LDHC: variants seen among roughly 807,000 people sequenced by gnomAD.
LDHC encodes the protein L-lactate dehydrogenase C chain.
LDHC carries 20 observed loss-of-function variants against 30.2 expected under a neutral mutation model. That is an observed-to-expected ratio of 0.66 (90% CI 0.47 to 0.96). The LOEUF (loss-of-function observed/expected upper bound fraction) is 0.96. Among genes scored for constraint, LDHC ranks in the 40% least tolerant of loss-of-function variants. LDHC has a pLI of 0.00. For missense variants in LDHC, 362 were observed against 394.9 expected (o/e 0.92, Z 0.71); for synonymous variants, 139 against 132.7 (o/e 1.05, Z -0.32).
At chr11:18,446,922 T>G (rs1295741044) in intron 7 of LDHC, among the ~76,000 whole-genome samples, 2 of 152,164 alleles carry the variant, frequency 1.3e-5, no homozygotes, top group Non-Finnish European at 2.9e-5. Flanking sequence ...TTTGTTTGTT[T>G]GTTTGTTACA....
At chr11:18,424,514 T>C (rs532031197) in intron 3 of LDHC, among the ~76,000 whole-genome samples, 1 of 152,148 alleles carries the variant, frequency 6.6e-6, no homozygotes, top group Non-Finnish European at 1.5e-5. Flanking sequence ...CTAGGATACA[T>C]GTACAAGAAC....
intron 6 of LDHC, among the ~76,000 whole-genome samples, chr11:18,439,811 T>TAAAAAAAAAAAA (rs71047596): frequency 3.3e-4 from 21 of 64,200 alleles, no homozygotes; most frequent in East Asian, 1.9e-3. Flanking sequence ...CCGTCTCTAC[T>TAAAAAAAAAAAA]AAAAAAAAAA....
intron 3 of LDHC, among the ~76,000 whole-genome samples, chr11:18,428,517 A>G (rs1438124432): frequency 6.6e-6 from 1 of 152,090 alleles, no homozygotes; most frequent in Non-Finnish European, 1.5e-5. Context: ...TATAGAGGAT[A>G]TTTTAACTAA....
chr11:18,440,502 A>G (rs1848445976), intron 6 of LDHC, among the ~76,000 whole-genome samples: 1 of 152,226 alleles, frequency 6.6e-6, no homozygotes, highest in South Asian at 2.1e-4. Context: ...GGCAATGTGT[A>G]TGAGTACAGA....
At chr11:18,428,283 T>A (rs1391841875) in intron 3 of LDHC, among the ~76,000 whole-genome samples, 1 of 146,936 alleles carries the variant, frequency 6.8e-6, no homozygotes, top group Non-Finnish European at 1.5e-5. Context: ...GCCATTCTCC[T>A]GCCTCAGCCT....
At chr11:18,434,678 G>A (rs1350509984) in intron 4 of LDHC, 62 bp from the exon 5 acceptor site, 5 of 981,798 alleles carry the variant, frequency 5.1e-6, no homozygotes, top group African/African-American at 4.9e-5. Flanking sequence ...ATGTATTCAG[G>A]AAAAAAAAAA....
chr11:18,428,150 T>G (rs1848194601), intron 3 of LDHC, among the ~76,000 whole-genome samples: 1 of 150,918 alleles, frequency 6.6e-6, no homozygotes, highest in South Asian at 2.1e-4. Context: ...TCATTTTCTT[T>G]TCTTTCTTTC....
intron 6 of LDHC, among the ~76,000 whole-genome samples, chr11:18,443,449 T>C (rs558122298): frequency 7.4e-6 from 1 of 135,128 alleles, no homozygotes; most frequent in South Asian, 2.3e-4. Context: ...AGTTCTTTCT[T>C]TTCTTTCTTT....
intron 4 of LDHC, among the ~76,000 whole-genome samples, chr11:18,430,891 T>C (rs912836658): frequency 8.5e-5 from 13 of 152,160 alleles, no homozygotes; most frequent in Admixed American, 2.6e-4. Flanking sequence ...AGGTTGGGCA[T>C]TGTGGCTCAT....
intron 7 of LDHC, among the ~76,000 whole-genome samples, chr11:18,447,855 G>C (rs955103251): frequency 1.3e-5 from 2 of 152,112 alleles, no homozygotes; most frequent in East Asian, 3.9e-4. Context: ...TTTGAGACCA[G>C]CTGGTCAACA....
intron 7 of LDHC, among the ~76,000 whole-genome samples, chr11:18,446,840 G>C (rs1435308079): frequency 6.6e-6 from 1 of 152,162 alleles, no homozygotes; most frequent in Non-Finnish European, 1.5e-5. Flanking sequence ...CGTAGACTGA[G>C]GAAATTAAGA....
At chr11:18,419,746 A>C (rs1250964755) in intron 3 of LDHC, among the ~76,000 whole-genome samples, 1 of 152,214 alleles carries the variant, frequency 6.6e-6, no homozygotes, top group East Asian at 1.9e-4. Context: ...AGCATGAGAC[A>C]GGAGGCTATA....
intron 3 of LDHC, among the ~76,000 whole-genome samples, chr11:18,424,717 A>G (rs982263189): frequency 2.6e-5 from 4 of 152,184 alleles, no homozygotes; most frequent in African/African-American, 9.7e-5. Flanking sequence ...GATAAAATGT[A>G]CTATGTAATG....
In LDHC at chr11:18,451,185, T is replaced by TA. The variant is rs1848650850; in HGVS notation, c.*58_*59insA. The stretch of plus-strand genomic sequence containing the variant: ...AACAGAAGATAGCAGGCTGTGTATT[T>TA]TAAATTTTGAAAGTATTTTCATTTG... On this transcript the variant is annotated 3_prime_UTR_variant, in exon 8 of 8. Coordinates refer to ENST00000541669, the MANE Select transcript of LDHC (RefSeq NM_017448.5). 1.7e-6 allele frequency: 2 copies of TA among 1,150,180 alleles called. No individual in the cohort carries two copies. The highest frequency in any genetic ancestry group is 3.2e-5 in the African/African-American group (2 of 61,566). The allele number at this position is 1,150,180 out of a possible 1,614,324, so 71.2% of individuals were successfully genotyped here.
chr11:18,432,384 A>G (rs1414716825), intron 4 of LDHC, among the ~76,000 whole-genome samples: 1 of 152,172 alleles, frequency 6.6e-6, no homozygotes, highest in Non-Finnish European at 1.5e-5. Context: ...GGCCTATCAT[A>G]TGGTCTGTCT....
At chr11:18,448,048 C>CAAA (rs1218910663) in intron 7 of LDHC, among the ~76,000 whole-genome samples, 11 of 76,452 alleles carry the variant, frequency 1.4e-4, no homozygotes, top group Non-Finnish European at 2.1e-4. Flanking sequence ...GACTCTGTCT[C>CAAA]AAAAAAAAAA....
chr11:18,439,234 T>A (rs1848412639), intron 6 of LDHC, among the ~76,000 whole-genome samples: 1 of 152,154 alleles, frequency 6.6e-6, no homozygotes, highest in South Asian at 2.1e-4. Flanking sequence ...CATGGTTTAG[T>A]CAAGAGTCAA....
At chr11:18,446,362 A>G in intron 7 of LDHC, 29 bp downstream of exon 7, 1 of 1,522,616 alleles carries the variant, frequency 6.6e-7, no homozygotes, top group South Asian at 1.1e-5. Flanking sequence ...TTCATTTATC[A>G]TTCTTTCCTT....
At chr11:18,444,419 AC>A (rs1171896953) in intron 6 of LDHC, among the ~76,000 whole-genome samples, 8 of 151,528 alleles carry the variant, frequency 5.3e-5, no homozygotes, top group African/African-American at 1.9e-4. Flanking sequence ...TGCCAGGCAG[AC>A]CCTCTTTCCC....
Sources: allele counts gnomAD v4.1 joint callset (sites outside exome capture counted in the v4.1 genomes callset), GRCh38; gene constraint gnomAD v4.1.1; transcripts MANE v1.5; gene names NCBI Gene and HGNC (gene_info 2026-07-23, HGNC 2026-07-21).